HIBCH: variants seen among roughly 807,000 people sequenced by gnomAD.
HIBCH encodes the protein 3-hydroxyisobutyryl-CoA hydrolase, mitochondrial.
A neutral mutation model predicts 58.2 loss-of-function variants in HIBCH; 50 were observed. The ratio of observed to expected loss-of-function variants is 0.86; its 90% CI spans 0.68 to 1.09. The LOEUF is 1.09. Ranked by LOEUF, HIBCH falls within the 50% of genes least tolerant of loss-of-function variation. The probability of loss-of-function intolerance (pLI) is 0.00; values close to 1 mark genes in which losing one functional copy is unlikely to be tolerated. For missense variants in HIBCH, 450 were observed against 449.7 expected (o/e 1.00, Z -0.01); for synonymous variants, 151 against 146.9 (o/e 1.03, Z -0.20).
In HIBCH at chr2:190,315,844, T is replaced by C. The variant is rs1688698215; in HGVS notation, c.35+3872A>G. Among the ~76,000 whole-genome samples the C allele has an allele frequency of 6.6e-6, 1 of 152,174 alleles. No individual in the cohort carries two copies. ...TCAAGCCAGGACAACCAGGAGAATA[T>C]AGAAAAGACAGGGAAAGAAGCTAGC... On this transcript the variant is annotated intron_variant, in intron 1 of 13. Transcript: ENST00000359678. The surrounding 1 kb of genome is among the most constrained non-coding windows in gnomAD (Gnocchi z 5.4).
At chr2:190,268,100 A>G (rs1402346483) in intron 6 of HIBCH, among the ~76,000 whole-genome samples, 1 of 152,256 alleles carries the variant, frequency 6.6e-6, no homozygotes, top group Non-Finnish European at 1.5e-5. Flanking sequence ...CTAAAGGCAC[A>G]ATAGATACAG....
downstream of HIBCH, chr2:190,199,947 G>T (rs752765534): frequency 1.9e-6 from 3 of 1,614,114 alleles, no homozygotes. Context: ...AACCCTTTAT[G>T]CCAGAAGAGA....
At chr2:190,200,041 T>A (rs1408353236), downstream of HIBCH, 2 of 1,614,106 alleles carry the variant, frequency 1.2e-6, no homozygotes, top group Non-Finnish European at 1.7e-6. Context: ...GATCTTGGAA[T>A]ATGCACACCG....
intron 13 of HIBCH, chr2:190,208,668 A>C (rs1284431780): frequency 7.0e-6 from 3 of 431,194 alleles, no homozygotes; most frequent in African/African-American, 6.8e-5. Context: ...TTCAGGTTTG[A>C]TTTTTTTTTT....
At chr2:190,314,705 C>T (rs1452616200) in intron 1 of HIBCH, among the ~76,000 whole-genome samples, 1 of 152,088 alleles carries the variant, frequency 6.6e-6, no homozygotes, top group Non-Finnish European at 1.5e-5. Context: ...TCTTGAACTC[C>T]CAACCTCAGG....
At position 190,311,096 on chromosome 2, in the gene HIBCH, G is replaced by GA. The variant is rs532845809; in HGVS notation, c.36-301dup. The GA allele has an allele frequency of 1.3e-4, 66 of 517,094 alleles. No individual in the cohort carries two copies. The East Asian group carries it at 2.0e-3, about 16-fold the overall frequency. 32.0% of individuals were successfully genotyped at this position (517,094 alleles called of 1,614,324 possible). On this transcript the variant is annotated intron_variant, in intron 1 of 13. Coordinates refer to ENST00000359678, the MANE Select transcript of HIBCH (RefSeq NM_014362.4). ...ACCATATAAAATATTATTCAGCCAT[G>GA]AAAAAAAGAAAAGAGCTATTATGCC...
intron 6 of HIBCH, among the ~76,000 whole-genome samples, chr2:190,285,106 A>G (rs1430417318): frequency 6.6e-6 from 1 of 152,084 alleles, no homozygotes; most frequent in African/African-American, 2.4e-5. Flanking sequence ...GTAATATTAA[A>G]TTCATCTCTT....
chr2:190,276,458 C>T (rs1687554570), intron 6 of HIBCH, among the ~76,000 whole-genome samples: 1 of 152,180 alleles, frequency 6.6e-6, no homozygotes, highest in Non-Finnish European at 1.5e-5. Context: ...TATTCTCCAA[C>T]ATTAGAGTTG....
chr2:190,191,652 C>T (rs1187165744), intron 1 of HIBCH, among the ~76,000 whole-genome samples: 1 of 152,130 alleles, frequency 6.6e-6, no homozygotes, highest in Non-Finnish European at 1.5e-5. Flanking sequence ...ATTATTTTTA[C>T]CCATTCTAAC....
intron 6 of HIBCH, among the ~76,000 whole-genome samples, chr2:190,270,696 T>A (rs1687371627): frequency 6.6e-6 from 1 of 152,228 alleles, no homozygotes; most frequent in Non-Finnish European, 1.5e-5. Context: ...GCTTTCACTA[T>A]GGCATAAAAG....
At chr2:190,208,793 G>T in intron 13 of HIBCH, 87 bp downstream of exon 13, 1 of 1,160,840 alleles carries the variant, frequency 8.6e-7, no homozygotes, top group Non-Finnish European at 1.3e-6. Context: ...TAGGATTTGG[G>T]ATGCATAATC....
At chr2:190,262,173 AAAAAGAAAAG>A (rs1264881147) in intron 6 of HIBCH, among the ~76,000 whole-genome samples, 105 of 151,018 alleles carry the variant, frequency 7.0e-4, no homozygotes, top group Admixed American at 1.6e-3. Context: ...CAAAAAAAAA[AAAAAGAAAAG>A]AAAAGAAAAG....
rs1296321670 is a variant in HIBCH, at chr2:190,279,957, G to GC, written c.438+7628dup. ...AACCGGACACAGCAGTAGGGTGAAC[G>GC]CGTCAGGTTATAAATTACCCTGTCC... On this transcript the variant is annotated intron_variant, in intron 6 of 13. Coordinates refer to ENST00000359678, the MANE Select transcript of HIBCH (RefSeq NM_014362.4). The surrounding 1 kb of genome is among the most constrained non-coding windows in gnomAD (Gnocchi z 4.2). 6.5e-6 allele frequency: 1 copy of GC among 153,202 alleles called. No homozygotes were observed. The highest frequency in any genetic ancestry group is 2.4e-5 in the African/African-American group (1 of 41,444). 9.5% of individuals were successfully genotyped at this position (153,202 alleles called of 1,614,324 possible).
rs1688684148 is a variant in HIBCH at position 190,315,170 on chromosome 2, A to G, written c.36-4374T>C. Among the ~76,000 whole-genome samples, 1 of 151,704 alleles carries G rather than the reference A, an allele frequency of 6.6e-6. No homozygotes were observed. The highest frequency in any genetic ancestry group is 2.1e-4 in the South Asian group (1 of 4,796). ...CACCATGTTAGCCAGCATGGTCATGATCTCCTGACTTCTTTCTTGATCCGC... is the reference window on the plus strand; with the variant it reads ...CACCATGTTAGCCAGCATGGTCATGGTCTCCTGACTTCTTTCTTGATCCGC... On this transcript the variant is annotated intron_variant, in intron 1 of 13. Coordinates refer to ENST00000359678, the MANE Select transcript of HIBCH (RefSeq NM_014362.4). The surrounding 1 kb of genome is among the most constrained non-coding windows in gnomAD (Gnocchi z 5.4).
downstream of HIBCH, chr2:190,202,608 C>A (rs757867312): frequency 2.4e-5 from 4 of 166,834 alleles, no homozygotes; most frequent in African/African-American, 4.8e-5. Flanking sequence ...ATTTGAAGGT[C>A]TTTCATGAAC....
At position 190,197,469 on chromosome 2, in the gene HIBCH, C is replaced by A. The variant is rs11894766; in HGVS notation, c.*18-7472G>T. Among the ~76,000 whole-genome samples the A allele has an allele frequency of 0.31, 47,093 of 152,010 alleles. 8,401 individuals are homozygous for A. The highest frequency in any genetic ancestry group is 0.47 in the East Asian group (2,429 of 5,158). On this transcript the variant is annotated intron_variant, in intron 1 of 1. Coordinates refer to the HIBCH transcript ENST00000399855. The surrounding 1 kb of genome is among the most constrained non-coding windows in gnomAD (Gnocchi z 4.0). ...GGACATGCACATCCCAGTACCCTTG[C>A]CAAGTCTCATGCAGATTTCTGCCTC... is the stretch of plus-strand genomic sequence containing the variant.
At chr2:190,234,776 G>A (rs991681117) in intron 11 of HIBCH, among the ~76,000 whole-genome samples, 2 of 151,998 alleles carry the variant, frequency 1.3e-5, no homozygotes, top group African/African-American at 2.4e-5. Flanking sequence ...CTTCAACTTG[G>A]GAGGTGGAGG....
chr2:190,287,418 C>T (rs1427516552), intron 6 of HIBCH, among the ~76,000 whole-genome samples, 168 bp downstream of exon 6: 2 of 152,152 alleles, frequency 1.3e-5, no homozygotes, highest in African/African-American at 4.8e-5. Context: ...TCTAAAAGTG[C>T]TATAAGCAAA....
intron 8 of HIBCH, among the ~76,000 whole-genome samples, chr2:190,249,958 T>G (rs1047748187): frequency 6.6e-6 from 1 of 152,156 alleles, no homozygotes; most frequent in Non-Finnish European, 1.5e-5. Flanking sequence ...GAAGGAGAAA[T>G]AGAGACTTTT....
Sources: gnomAD v4.1 joint callset for allele counts (sites outside exome capture counted in the v4.1 genomes callset) on GRCh38, gnomAD v4.1.1 for gene constraint, Gnocchi (gnomAD v3.1) non-coding constraint, MANE v1.5 for transcripts, NCBI Gene and HGNC (gene_info 2026-07-23, HGNC 2026-07-21) for gene names.